TMPRSS3: variants seen among roughly 807,000 people sequenced by gnomAD.
TMPRSS3 encodes transmembrane serine protease 3.
TMPRSS3 carries 55 observed loss-of-function variants against 59.6 expected under a neutral mutation model. The ratio of observed to expected loss-of-function variants is 0.92; its 90% confidence interval spans 0.74 to 1.16. The LOEUF (loss-of-function observed/expected upper bound fraction) is 1.16, where lower values mean the gene tolerates loss of function less well. TMPRSS3 is among the 50% of genes most tolerant of loss of function. The pLI, the probability that TMPRSS3 is intolerant of heterozygous loss-of-function variation, is 0.00. For synonymous variants in TMPRSS3, 257 were observed against 237.7 expected (o/e 1.08, Z -0.75); for missense variants, 596 against 579.4 (o/e 1.03, Z -0.29).
At chr21:42,381,774 T>C (rs765268181) in intron 9 of TMPRSS3, 8 of 542,362 alleles carry the variant, frequency 1.5e-5, no homozygotes, top group Admixed American at 2.9e-5. Flanking sequence ...CAAACTACAT[T>C]TAAACAGGGT....
chr21:42,395,622 A>G (rs2052795111), intron 1 of TMPRSS3, 154 bp from the exon 2 acceptor site: 1 of 534,348 alleles, frequency 1.9e-6, no homozygotes, highest in African/African-American at 2.0e-5. Context: ...GTGAGAATGC[A>G]TTTTCGTCTG....
At chr21:42,385,052 C>CCTTCCTCCCTCCCTCT (rs2052607579) in intron 6 of TMPRSS3, among the ~76,000 whole-genome samples, 1 of 125,410 alleles carries the variant, frequency 8.0e-6, no homozygotes. Flanking sequence ...TCCCTCCCTT[C>CCTTCCTCCCTCCCTCT]CTTCCTCCCT....
chr21:42,374,569 A>T (rs2052388182), intron 12 of TMPRSS3, among the ~76,000 whole-genome samples: 1 of 152,160 alleles, frequency 6.6e-6, no homozygotes, highest in South Asian at 2.1e-4. Flanking sequence ...TGGGTGCCAG[A>T]GGCTGGGGAG....
chr21:42,388,616 C>G lies in TMPRSS3; in HGVS notation c.323-90G>C. On this transcript the variant is annotated intron_variant, in intron 4 of 12. Transcript: ENST00000644384. This position sits in a 1 kb window ranked among gnomAD's most constrained non-coding sequence, Gnocchi z 5.1. Reference sequence around the variant, plus strand: ...GTTTCTCCACAGCCAGCTCAAACCCCTCCTCTGCCAAATCTGACCCACTTC... The same window carrying G: ...GTTTCTCCACAGCCAGCTCAAACCCGTCCTCTGCCAAATCTGACCCACTTC... The G allele has an allele frequency of 3.1e-6, 5 of 1,592,450 alleles. No homozygotes were observed. Among genetic ancestry groups the G allele is most frequent in the Non-Finnish European group, 3.4e-6 (4 of 1,163,414 alleles).
intron 12 of TMPRSS3, among the ~76,000 whole-genome samples, chr21:42,373,944 A>G (rs561738355): frequency 2.0e-4 from 31 of 152,298 alleles, no homozygotes; most frequent in African/African-American, 7.0e-4. Flanking sequence ...CAGTGTCTTA[A>G]GGGGGACTTT....
At chr21:42,385,934 C>A (rs2052627883) in intron 5 of TMPRSS3, among the ~76,000 whole-genome samples, 1 of 152,026 alleles carries the variant, frequency 6.6e-6, no homozygotes, top group Non-Finnish European at 1.5e-5. Flanking sequence ...TCGGGGGGCA[C>A]CCAAGCAGGG....
chr21:42,390,273 G>C, intron 2 of TMPRSS3: 3 of 527,280 alleles, frequency 5.7e-6, no homozygotes, highest in Non-Finnish European at 1.0e-5. Flanking sequence ...TGTGCTATGG[G>C]TTGAATAGTA....
At chr21:42,395,194 T>A (rs1018189785) in intron 2 of TMPRSS3, 130 bp downstream of exon 2, 1 of 778,514 alleles carries the variant, frequency 1.3e-6, no homozygotes, top group African/African-American at 1.7e-5. Flanking sequence ...TCTAGGGAAG[T>A]GCAGGTGTCC....
intron 8 of TMPRSS3, 64 bp downstream of exon 8, chr21:42,382,969 C>T: frequency 3.1e-6 from 5 of 1,603,650 alleles, no homozygotes; most frequent in South Asian, 2.2e-5. Flanking sequence ...CCACCCAAAG[C>T]AGCCCCACCC....
At chr21:42,373,838 T>A (rs1207351025) in intron 12 of TMPRSS3, among the ~76,000 whole-genome samples, 2 of 152,142 alleles carry the variant, frequency 1.3e-5, no homozygotes, top group East Asian at 3.9e-4. Context: ...ATGGAACCGT[T>A]GTGAGCGGGC....
rs989501256 is a variant in TMPRSS3, at chr21:42,388,823, T to C, written c.322+106A>G. On this transcript the variant is annotated intron_variant, in intron 4 of 12. Transcript: ENST00000644384. This position sits in a 1 kb window ranked among gnomAD's most constrained non-coding sequence, Gnocchi z 5.1. The stretch of plus-strand genomic sequence containing the variant: ...GCCAGTTCAATCCCAGCTGAAGACA[T>C]GACCTAAAAATGGCAATGACTTGGA... The C allele has an allele frequency of 9.0e-6, 10 of 1,107,482 alleles. No homozygotes were observed. The highest frequency in any genetic ancestry group is 1.4e-5 in the Non-Finnish European group (10 of 724,776). The allele number at this position is 1,107,482 out of a possible 1,614,324, so 68.6% of individuals were successfully genotyped here. A position where few individuals can be genotyped will look rare whatever the true frequency, so the allele number is the denominator to read the frequency against.
intron 10 of TMPRSS3, among the ~76,000 whole-genome samples, chr21:42,378,580 C>A (rs2052468887): frequency 1.3e-5 from 2 of 152,196 alleles, no homozygotes; most frequent in South Asian, 2.1e-4. Flanking sequence ...GGCTGGAGAT[C>A]CAGCTACAAG....
Position 42,380,497 on chromosome 21 carries a change from T to C in TMPRSS3, c.953-285A>G, listed in dbSNP as rs558983056. On this transcript the variant is annotated intron_variant, in intron 9 of 12. Transcript: ENST00000644384. ...GGAAAGGGCTGAATAGTCAATGTTG[T>C]AGGCTTCGTGGGCTGTGCGGTCTCT... 2.0e-5 allele frequency among the ~76,000 whole-genome samples: 3 copies of C among 152,344 alleles called. No individual in the cohort carries two copies. The East Asian group carries it at 5.8e-4, about 29-fold the overall frequency.
At position 42,388,493 on chromosome 21, in the gene TMPRSS3, A is replaced by T; in HGVS notation, c.356T>A (p.Val119Glu). 6.2e-7 allele frequency: 1 copy of T among 1,614,136 alleles called. No individual in the cohort carries two copies. Among genetic ancestry groups the T allele is most frequent in the South Asian group, 1.1e-5 (1 of 91,082 alleles). Residue 119 changes from valine to glutamate, a missense_variant, in exon 5 of 13, where the codon GTG becomes GAG. Val to Glu is a moderately radical substitution (Grantham distance 121). Coordinates refer to ENST00000644384, the MANE Select transcript of TMPRSS3 (RefSeq NM_001256317.3). The surrounding 1 kb of genome is among the most constrained non-coding windows in gnomAD (Gnocchi z 5.1). ...RVGGQNAVLQVFTAASWKTMC... is the reference protein window; with the variant it reads ...RVGGQNAVLQEFTAASWKTMC... ...GGTCTTCCACGAAGCAGCTGTGAACACCTGGAGCACGGCATTCTGACCACC... is the reference window on the plus strand; with the variant it reads ...GGTCTTCCACGAAGCAGCTGTGAACTCCTGGAGCACGGCATTCTGACCACC...
chr21:42,372,559 C>CA lies in TMPRSS3; in HGVS notation c.*202dup, dbSNP rs756840804. ...TGGGCAACAGAGCGAGACTCCATCT[C>CA]AAAAAAACAAAAAACAAAAAGCAGC... is the stretch of plus-strand genomic sequence containing the variant. On this transcript the variant is annotated 3_prime_UTR_variant, in exon 13 of 13. Transcript: ENST00000644384. 1.7e-5 allele frequency: 12 copies of CA among 713,092 alleles called. No homozygotes were observed. The highest frequency in any genetic ancestry group is 1.0e-4 in the African/African-American group (6 of 57,168). 44.2% of individuals were successfully genotyped at this position (713,092 alleles called of 1,614,324 possible).
chr21:42,389,124 A>G, intron 3 of TMPRSS3, 79 bp from the exon 4 acceptor site: 1 of 1,599,656 alleles, frequency 6.3e-7, no homozygotes, highest in Non-Finnish European at 8.5e-7. Context: ...CCTGCCACAC[A>G]GTGCGGAGCT....
intron 12 of TMPRSS3, among the ~76,000 whole-genome samples, chr21:42,373,486 C>T (rs1002325106): frequency 2.6e-5 from 4 of 152,218 alleles, no homozygotes; most frequent in Admixed American, 2.0e-4. Flanking sequence ...GAAACTGCCT[C>T]CAAGACCCTC....
intron 8 of TMPRSS3, 116 bp from the exon 9 acceptor site, chr21:42,382,350 G>T (rs2052549191): frequency 5.4e-6 from 5 of 918,614 alleles, no homozygotes; most frequent in East Asian, 2.6e-5. Flanking sequence ...GGCAAGATGT[G>T]GTCCCATCAC....
At chr21:42,387,884 G>C (rs931390791) in intron 5 of TMPRSS3, among the ~76,000 whole-genome samples, 1 of 152,244 alleles carries the variant, frequency 6.6e-6, no homozygotes. Flanking sequence ...ACACTAAAAA[G>C]TGAATAGTCA....
Sources: gnomAD v4.1 joint callset for allele counts (sites outside exome capture counted in the v4.1 genomes callset) on GRCh38, gnomAD v4.1.1 for gene constraint, Gnocchi (gnomAD v3.1) non-coding constraint, MANE v1.5 for transcripts, NCBI Gene and HGNC (gene_info 2026-07-23, HGNC 2026-07-21) for gene names.